FARP1: variants seen among roughly 807,000 people sequenced by gnomAD.
FARP1 encodes the protein FERM, ARH/RhoGEF and pleckstrin domain protein 1, also known as FERM, ARHGEF and pleckstrin domain-containing protein 1.
FARP1 carries 52 observed loss-of-function variants against 128.8 expected under a neutral mutation model. That is an observed-to-expected ratio of 0.40 (90% CI 0.32 to 0.51). The LOEUF (loss-of-function observed/expected upper bound fraction) is 0.51, where lower values mean the gene tolerates loss of function less well. FARP1 is among the 20% of genes least tolerant of loss of function. FARP1 has a pLI of 0.45. For synonymous variants in FARP1, 580 were observed against 551.8 expected, an observed-to-expected ratio of 1.05 and a Z score of -0.72; for missense variants, 1,333 against 1,367.9, an observed-to-expected ratio of 0.97 and a Z score of 0.40.
rs1479872820 is a variant in FARP1 at position 98,395,371 on chromosome 13, A to G, written c.1309A>G (p.Asn437Asp). 1.9e-6 allele frequency: 3 copies of G among 1,611,798 alleles called. No homozygotes were observed. The highest frequency in any genetic ancestry group is 2.2e-5 in the East Asian group (1 of 44,848). Residue 437 changes from asparagine (N) to aspartate (D), a missense_variant, in exon 13 of 27, where the codon AAC becomes GAC. Physicochemically the swap from Asn to Asp is conservative, Grantham distance 23. Transcript: ENST00000319562. ...TGCGCCGAGGAGAAGCCCCGCGGGT[A>G]ACAAGCAGGCGGACGGAGCCGCCTC... Reference protein sequence around the residue: ...SPAPRRSPAGNKQADGAASAP... With the variant: ...SPAPRRSPAGDKQADGAASAP...
chr13:98,283,914 C>G (rs188587300), intron 2 of FARP1, among the ~76,000 whole-genome samples: 6 of 152,242 alleles, frequency 3.9e-5, no homozygotes, highest in African/African-American at 1.4e-4. Context: ...TAGGTTGTGT[C>G]CTTTAAATCT....
chr13:98,243,696 C>CAAAAAAA (rs61020922), intron 2 of FARP1, among the ~76,000 whole-genome samples: 3 of 64,904 alleles, frequency 4.6e-5, no homozygotes, highest in African/African-American at 1.6e-4. Context: ...GACTCCATCT[C>CAAAAAAA]AAAAAAAAAA....
At chr13:98,209,682 A>C (rs1189531958) in intron 1 of FARP1, among the ~76,000 whole-genome samples, 1 of 150,222 alleles carries the variant, frequency 6.7e-6, no homozygotes, top group Non-Finnish European at 1.5e-5. Flanking sequence ...CTGTGATCCC[A>C]GCTACTCGGG....
chr13:98,188,047 C>G (rs1226029321), intron 1 of FARP1, among the ~76,000 whole-genome samples: 1 of 152,174 alleles, frequency 6.6e-6, no homozygotes. Flanking sequence ...ACTCTGCGGT[C>G]CCTTGGATTG....
At chr13:98,156,864 T>C (rs1876528300) in intron 1 of FARP1, among the ~76,000 whole-genome samples, 2 of 152,212 alleles carry the variant, frequency 1.3e-5, no homozygotes, top group Non-Finnish European at 2.9e-5. Context: ...TGGCCTAGAA[T>C]GTATACATGT....
intron 2 of FARP1, among the ~76,000 whole-genome samples, chr13:98,313,194 G>A (rs1276553708): frequency 7.1e-6 from 1 of 141,814 alleles, no homozygotes; most frequent in African/African-American, 2.6e-5. Context: ...AATCGGGTGG[G>A]TCATAATACA....
intron 1 of FARP1, among the ~76,000 whole-genome samples, chr13:98,174,548 G>A (rs1182090253): frequency 1.3e-5 from 2 of 152,132 alleles, no homozygotes; most frequent in Admixed American, 1.3e-4. Flanking sequence ...AAAAACGGAC[G>A]GACTTAGGGG....
chr13:98,407,573 A>C (rs182734990), intron 13 of FARP1: 2 of 152,322 alleles, frequency 1.3e-5, no homozygotes, highest in Admixed American at 1.3e-4. Context: ...ACAAGGCTTC[A>C]TGTTAGTGAG....
intron 2 of FARP1, among the ~76,000 whole-genome samples, chr13:98,220,826 A>C (rs1165915265): frequency 2.0e-5 from 3 of 152,164 alleles, no homozygotes; most frequent in Non-Finnish European, 4.4e-5. Context: ...ATATGCTTGC[A>C]GTAATTCTTT....
At chr13:98,241,100 G>A (rs1289641974) in intron 2 of FARP1, among the ~76,000 whole-genome samples, 2 of 152,206 alleles carry the variant, frequency 1.3e-5, no homozygotes, top group African/African-American at 4.8e-5. Flanking sequence ...AGGGACTGTC[G>A]TATGGGGTGA....
chr13:98,154,356 A>T (rs950116334), intron 1 of FARP1, among the ~76,000 whole-genome samples: 4 of 152,202 alleles, frequency 2.6e-5, no homozygotes, highest in African/African-American at 9.7e-5. Context: ...ACAGGTGTGT[A>T]GTGGTATCTC....
intron 1 of FARP1, chr13:98,208,566 A>G (rs1880454573): frequency 1.3e-5 from 2 of 152,796 alleles, no homozygotes; most frequent in Admixed American, 1.3e-4. Flanking sequence ...TTAGCTCCAG[A>G]AGCATTGCCT....
In FARP1 at chr13:98,452,435, T is replaced by C. The variant is rs6956; in HGVS notation, c.*4118T>C. On this transcript the variant is annotated 3_prime_UTR_variant, in exon 27 of 27. Transcript: ENST00000319562. ...ATCGATGAAAAAGGAAATCAACCTC[T>C]AGGTGTACCAAAAGGGGCGTAGGGC... 0.23 allele frequency: 34,416 copies of C among 152,488 alleles called. 4,037 individuals are homozygous for C. The highest frequency in any genetic ancestry group is 0.28 in the Middle Eastern group (81 of 294). The allele number at this position is 152,488 out of a possible 1,614,324, so 9.4% of individuals were successfully genotyped here.
intron 5 of FARP1, among the ~76,000 whole-genome samples, chr13:98,373,465 A>G (rs1377427899): frequency 6.6e-6 from 1 of 151,332 alleles, no homozygotes; most frequent in Admixed American, 6.6e-5. Context: ...CCCACCTCCC[A>G]CATGAGGTTT....
intron 1 of FARP1, among the ~76,000 whole-genome samples, chr13:98,162,287 G>C (rs938550018): frequency 1.3e-5 from 2 of 152,250 alleles, no homozygotes; most frequent in African/African-American, 2.4e-5. Context: ...CTGCGTACAA[G>C]TGTGGAGTTT....
At chr13:98,404,233 C>T (rs926089766) in intron 13 of FARP1, 4 of 152,196 alleles carry the variant, frequency 2.6e-5, no homozygotes, top group African/African-American at 7.2e-5. Flanking sequence ...TGCTTAGCTG[C>T]TTGTGAAACT....
intron 1 of FARP1, among the ~76,000 whole-genome samples, chr13:98,184,124 G>T (rs1234464328): frequency 6.6e-6 from 1 of 150,744 alleles, no homozygotes; most frequent in African/African-American, 2.4e-5. Flanking sequence ...TTTTTTGTTT[G>T]TTTTTTTTTG....
chr13:98,384,512 G>T, intron 6 of FARP1: 1 of 572,628 alleles, frequency 1.7e-6, no homozygotes, highest in Non-Finnish European at 3.1e-6. Flanking sequence ...CTTTCTGACT[G>T]ATAGAGATGA....
At chr13:98,272,490 C>T (rs1884438583) in intron 2 of FARP1, among the ~76,000 whole-genome samples, 1 of 152,198 alleles carries the variant, frequency 6.6e-6, no homozygotes. Context: ...TTCCCTCTGA[C>T]TTCCTTGTCC....
Sources: gnomAD v4.1 joint callset for allele counts (sites outside exome capture counted in the v4.1 genomes callset) on GRCh38, gnomAD v4.1.1 for gene constraint, MANE v1.5 for transcripts, NCBI Gene and HGNC (gene_info 2026-07-23, HGNC 2026-07-21) for gene names.